Variants in RIPK4 observed in about 807,000 individuals in gnomAD.
The protein encoded by RIPK4 is receptor-interacting serine/threonine-protein kinase 4.
RIPK4 carries 17 observed loss-of-function variants against 42.9 expected under a neutral mutation model. That is an observed-to-expected ratio of 0.40 (90% CI 0.27 to 0.59). The LOEUF (loss-of-function observed/expected upper bound fraction) is 0.59, where lower values mean the gene tolerates loss of function less well. RIPK4 is among the 20% of genes least tolerant of loss of function. The pLI is 0.47. For missense variants in RIPK4, 897 were observed against 1,104.4 expected, an observed-to-expected ratio of 0.81 and a Z score of 2.66; for synonymous variants, 498 against 499.1, an observed-to-expected ratio of 1.00 and a Z score of 0.03.
At chr21:41,745,655 G>T in intron 6 of RIPK4, 104 bp downstream of exon 6, 1 of 803,480 alleles carries the variant, frequency 1.2e-6, no homozygotes, top group South Asian at 1.6e-5. Flanking sequence ...CAGAAGAGAG[G>T]GAGAGTGGTC....
chr21:41,758,127 A>G (rs1246320527), intron 1 of RIPK4, among the ~76,000 whole-genome samples: 1 of 150,202 alleles, frequency 6.7e-6, no homozygotes, highest in Admixed American at 6.6e-5. Context: ...AGCCATTCAC[A>G]GGTGTACAAT....
At chr21:41,746,986 G>C in intron 4 of RIPK4, 1 of 576,618 alleles carries the variant, frequency 1.7e-6, no homozygotes, top group Non-Finnish European at 3.0e-6. Flanking sequence ...TTTTGAAATC[G>C]ACCTCTTTCC....
intron 1 of RIPK4, among the ~76,000 whole-genome samples, chr21:41,762,814 G>A (rs895874414): frequency 4.6e-5 from 7 of 152,148 alleles, no homozygotes; most frequent in African/African-American, 7.2e-5. Context: ...GAGAGATGCC[G>A]AATCCAGCCT....
Position 41,742,084 on chromosome 21 carries a change from T to G in RIPK4, c.1196-87A>C. On this transcript the variant is annotated intron_variant, in intron 7 of 7. Transcript: ENST00000332512. The surrounding 1 kb of genome is among the most constrained non-coding windows in gnomAD (Gnocchi z 5.1). ...TGGGAGCCTGGCTGTGGCGCTCAGG[T>G]GGAGGAGTGCCATGGCCTCCAGGCT... 1 of 1,202,920 alleles carries G rather than the reference T, an allele frequency of 8.3e-7. No homozygotes were observed. The highest frequency in any genetic ancestry group is 1.2e-6 in the Non-Finnish European group (1 of 856,374). 74.5% of individuals were successfully genotyped at this position (1,202,920 alleles called of 1,614,324 possible). A position where few individuals can be genotyped will look rare whatever the true frequency, so the allele number is the denominator to read the frequency against.
At chr21:41,757,308 G>A (rs544023216) in intron 1 of RIPK4, among the ~76,000 whole-genome samples, 2 of 152,098 alleles carry the variant, frequency 1.3e-5, no homozygotes, top group East Asian at 3.9e-4. Flanking sequence ...ATCACCTGAG[G>A]TCAGGAGTTC....
At position 41,756,620 on chromosome 21, in the gene RIPK4, C is replaced by T. The variant is rs1233191142; in HGVS notation, c.379G>A (p.Val127Met). Reference protein sequence around the residue: ...LRFRIIHETAVGMNFLHCMAP... With the variant: ...LRFRIIHETAMGMNFLHCMAP... The stretch of plus-strand genomic sequence containing the variant: ...ATGCAGTGCAGGAAGTTCATGCCCA[C>T]CGCCGTCTCGTGGATGATTCGGAAC... Residue 127 changes from valine (V) to methionine (M), a missense_variant, in exon 2 of 8, where the codon GTG (valine) becomes ATG (methionine). Physicochemically the swap from Val to Met is conservative, Grantham distance 21. Coordinates refer to ENST00000332512, the MANE Select transcript of RIPK4 (RefSeq NM_020639.3). 6.2e-6 allele frequency: 10 copies of T among 1,613,970 alleles called. No individual in the cohort carries two copies. Among genetic ancestry groups the T allele is most frequent in the Non-Finnish European group, 8.5e-6 (10 of 1,180,032 alleles).
chr21:41,741,920 T>TCTTC lies in RIPK4; in HGVS notation c.1269_1272dup (p.Ile425GlufsTer47). The TCTTC allele has an allele frequency of 6.2e-7, 1 of 1,613,096 alleles. No homozygotes were observed. The highest frequency in any genetic ancestry group is 8.5e-7 in the Non-Finnish European group (1 of 1,179,602). The stretch of plus-strand genomic sequence containing the variant: ...AGGTCCACGTCCTGCGGCTGCAGGA[T>TCTTC]CTTCATCAGTTTGCTGGTGTCCCCG... On this transcript the variant is annotated frameshift_variant, in exon 8 of 8. Coordinates refer to ENST00000332512, the MANE Select transcript of RIPK4 (RefSeq NM_020639.3). LOFTEE classifies it low-confidence loss of function (END_TRUNC).
intron 1 of RIPK4, among the ~76,000 whole-genome samples, chr21:41,765,850 T>C (rs1022506355): frequency 1.3e-5 from 2 of 152,222 alleles, no homozygotes; most frequent in African/African-American, 4.8e-5. Context: ...ATATGAACCA[T>C]CAAAATCAAC....
chr21:41,744,259 C>T lies in RIPK4; in HGVS notation c.937-119G>A, dbSNP rs546724347. 5.7e-5 allele frequency: 55 copies of T among 972,952 alleles called. 1 individual carries two copies. In the South Asian group the frequency reaches 7.4e-4, roughly 13 times the overall value. 60.3% of individuals were successfully genotyped at this position (972,952 alleles called of 1,614,324 possible). ...GGGAGGGAGATGGGGGAGGAAAGGA[C>T]GGACCCTGGAAGCAATGCAGATAAC... On this transcript the variant is annotated intron_variant, in intron 6 of 7. Coordinates refer to ENST00000332512, the MANE Select transcript of RIPK4 (RefSeq NM_020639.3).
At position 41,741,390 on chromosome 21, in the gene RIPK4, C is replaced by G; in HGVS notation, c.1803G>C (p.Thr601=). Residue 601 remains threonine, a synonymous_variant, in exon 8 of 8, where the codon ACG becomes ACC. Coordinates refer to ENST00000332512, the MANE Select transcript of RIPK4 (RefSeq NM_020639.3). ...GGTGCAATGGCGTCCTCCCATCCAG[C>G]GTCTGGGCGTTCACACTCACCCCCG... ...KQPGVSVNAQ[T]LDGRTPLHLA... The G allele has an allele frequency of 1.2e-6, 2 of 1,612,560 alleles. No individual in the cohort carries two copies. The highest frequency in any genetic ancestry group is 1.7e-6 in the Non-Finnish European group (2 of 1,179,918).
intron 6 of RIPK4, 96 bp from the exon 7 acceptor site, chr21:41,744,236 G>C: frequency 8.1e-7 from 1 of 1,238,104 alleles, no homozygotes; most frequent in Non-Finnish European, 1.1e-6. Flanking sequence ...TGGGCCACGG[G>C]AGGGAGATGG....
At position 41,750,453 on chromosome 21, in the gene RIPK4, G is replaced by A. The variant is rs114821669; in HGVS notation, c.623+644C>T. Among the ~76,000 whole-genome samples the A allele has an allele frequency of 2.6e-3, 391 of 152,336 alleles. 2 individuals are homozygous for A. Among genetic ancestry groups the A allele is most frequent in the African/African-American group, 8.3e-3 (343 of 41,574 alleles). On this transcript the variant is annotated intron_variant, in intron 3 of 7. Transcript: ENST00000332512. ...ACAAAATCAGAGTGAATTTCGGAAA[G>A]TACAAACACACATGCGTACAGACCA...
intron 1 of RIPK4, among the ~76,000 whole-genome samples, chr21:41,762,053 G>A (rs896326174): frequency 2.0e-5 from 3 of 152,194 alleles, no homozygotes; most frequent in Admixed American, 6.5e-5. Flanking sequence ...TCCTGAAAGC[G>A]GATCCCGGCT....
rs149032082 is a variant in RIPK4 at position 41,746,640 on chromosome 21, C to A, written c.805G>T (p.Asp269Tyr). Residue 269 changes from aspartate to tyrosine, a missense_variant, in exon 5 of 8, where the codon GAT becomes TAT. By Grantham distance (160) the Asp-to-Tyr change is radical. Coordinates refer to ENST00000332512, the MANE Select transcript of RIPK4 (RefSeq NM_020639.3). The stretch of plus-strand genomic sequence containing the variant: ...TGGAAGGTGGGCCTAACTCGCGGAT[C>A]CCCCTGCCAGCACCGCTGCATGAGG... The part of the protein sequence containing the change: ...IRLMQRCWQG[D>Y]PRVRPTFQEI... The A allele has an allele frequency of 5.0e-6, 8 of 1,610,554 alleles. No homozygotes were observed. The highest frequency in any genetic ancestry group is 1.7e-5 in the Admixed American group (1 of 59,978).
In RIPK4 at chr21:41,742,129, G is replaced by T; in HGVS notation, c.1196-132C>A. On this transcript the variant is annotated intron_variant, in intron 7 of 7. Coordinates refer to ENST00000332512, the MANE Select transcript of RIPK4 (RefSeq NM_020639.3). This position sits in a 1 kb window ranked among gnomAD's most constrained non-coding sequence, Gnocchi z 5.1. Reference sequence around the variant, plus strand: ...CAGGCTGCTCGCTGGTCACCCGACTGTGTTTGAGCGTTGTCTGTGCCTCGT... The same window carrying T: ...CAGGCTGCTCGCTGGTCACCCGACTTTGTTTGAGCGTTGTCTGTGCCTCGT... 1.3e-6 allele frequency: 1 copy of T among 795,776 alleles called. No homozygotes were observed. The highest frequency in any genetic ancestry group is 2.0e-6 in the Non-Finnish European group (1 of 495,262). 49.3% of individuals were successfully genotyped at this position (795,776 alleles called of 1,614,324 possible).
rs756033440 is a variant in RIPK4, at chr21:41,749,133, C to T, written c.673+21G>A. 3.1e-6 allele frequency: 5 copies of T among 1,613,220 alleles called. No homozygotes were observed. The South Asian group carries it at 5.5e-5, about 18-fold the overall frequency. On this transcript the variant is annotated intron_variant, in intron 4 of 7. Transcript: ENST00000332512. ...TCCAGGAAAGACAAGCACATTACAC[C>T]TCAAAGACAGGTCCACTCACCTGCA...
Position 41,742,960 on chromosome 21 carries a change from C to A in RIPK4, c.1195+922G>T, listed in dbSNP as rs927495855. Reference sequence around the variant, plus strand: ...ATCTGCCGTCGAACCAGGTCTTCCCCACTGTGTCTATGTAGCATTGCCTTA... The same window carrying A: ...ATCTGCCGTCGAACCAGGTCTTCCCAACTGTGTCTATGTAGCATTGCCTTA... On this transcript the variant is annotated intron_variant, in intron 7 of 7. Coordinates refer to ENST00000332512, the MANE Select transcript of RIPK4 (RefSeq NM_020639.3). The surrounding 1 kb of genome is among the most constrained non-coding windows in gnomAD (Gnocchi z 5.1). Among the ~76,000 whole-genome samples, 25 of 152,238 alleles carry A rather than the reference C, an allele frequency of 1.6e-4. No homozygotes were observed. The highest frequency in any genetic ancestry group is 6.0e-4 in the African/African-American group (25 of 41,454).
chr21:41,749,317 G>T, intron 3 of RIPK4, 114 bp from the exon 4 acceptor site: 1 of 962,356 alleles, frequency 1.0e-6, no homozygotes. Context: ...CAAAGACAGA[G>T]CCATGACACC....
intron 5 of RIPK4, chr21:41,746,220 T>G: frequency 1.6e-6 from 1 of 607,678 alleles, no homozygotes; most frequent in Non-Finnish European, 3.1e-6. Flanking sequence ...AGGGTGACTT[T>G]CCTATGCCAG....
Sources: allele counts gnomAD v4.1 joint callset (sites outside exome capture counted in the v4.1 genomes callset), GRCh38; gene constraint gnomAD v4.1.1; non-coding constraint Gnocchi (gnomAD v3.1); transcripts MANE v1.5; gene names NCBI Gene and HGNC (gene_info 2026-07-23, HGNC 2026-07-21).